Variants in HDGFL2 observed in about 807,000 individuals in gnomAD.
The protein encoded by HDGFL2 is hepatoma-derived growth factor-related protein 2.
A neutral mutation model predicts 77.1 loss-of-function variants in HDGFL2; 36 were observed. The ratio of observed to expected loss-of-function variants is 0.47; its 90% CI spans 0.36 to 0.62. The LOEUF is 0.62. HDGFL2 is among the 20% of genes least tolerant of loss of function. The pLI is 0.00. For synonymous variants in HDGFL2, 463 were observed against 413.1 expected (o/e 1.12, Z -1.46); for missense variants, 976 against 973.4 (o/e 1.00, Z -0.04).
intron 4 of HDGFL2, among the ~76,000 whole-genome samples, chr19:4,491,260 C>G (rs1975500989): frequency 1.1e-5 from 1 of 88,254 alleles, no homozygotes; most frequent in Admixed American, 1.1e-4. Context: ...CCCACCCCCC[C>G]ACCCCCCCAC....
At chr19:4,498,992 C>T in intron 13 of HDGFL2, 77 bp downstream of exon 13, 2 of 1,000,224 alleles carry the variant, frequency 2.0e-6, no homozygotes, top group Non-Finnish European at 3.0e-6. Flanking sequence ...GCCCAGGCCC[C>T]CAGCAGGTTC....
intron 3 of HDGFL2, among the ~76,000 whole-genome samples, chr19:4,479,896 ACT>A (rs368755518): frequency 2.1e-4 from 30 of 141,732 alleles, no homozygotes; most frequent in East Asian, 8.1e-4. Flanking sequence ...ACAGAATGAG[ACT>A]CTGTCTAAAA....
Position 4,488,742 on chromosome 19 carries a change from G to A in HDGFL2, c.355G>A (p.Asp119Asn). 1 of 1,553,732 alleles carries A rather than the reference G, an allele frequency of 6.4e-7. No individual in the cohort carries two copies. Among genetic ancestry groups the A allele is most frequent in the Non-Finnish European group, 8.7e-7 (1 of 1,148,454 alleles). The change falls in exon 4 of 16, where the codon GAC becomes AAC. Residue 119 changes from aspartate (D) to asparagine (N), a missense_variant. Physicochemically the swap from Asp to Asn is conservative, Grantham distance 23 (BLOSUM62 1). Coordinates refer to ENST00000616600, the MANE Select transcript of HDGFL2 (RefSeq NM_001001520.3). ...NPADGSDADE[D>N]DEDRGVMAVT... ...CGCCGACGGCAGTGACGCTGACGAG[G>A]ACGATGAGGACCGGGGGGTCATGGC...
At chr19:4,476,050 C>T (rs1249473465) in intron 3 of HDGFL2, among the ~76,000 whole-genome samples, 2 of 151,880 alleles carry the variant, frequency 1.3e-5, no homozygotes, top group Admixed American at 6.6e-5. Context: ...CCACCACACC[C>T]GGCTAATTTT....
At chr19:4,483,854 A>G (rs1239177578) in intron 3 of HDGFL2, among the ~76,000 whole-genome samples, 2 of 133,154 alleles carry the variant, frequency 1.5e-5, no homozygotes, top group Non-Finnish European at 3.0e-5. Context: ...CAGTGACGCT[A>G]TCTGGGCTCA....
rs745835601 is a variant in HDGFL2, at chr19:4,491,559, CT to C, written c.490-5del. On this transcript the variant is annotated splice_region_variant and splice_polypyrimidine_tract_variant and intron_variant, in intron 4 of 15. Transcript: ENST00000616600. ...ATCACTGAGCATTCAGGCCGTTCCC[CT>C]TCCAGATGTCGGTCTCGAAACGAGC... is the stretch of plus-strand genomic sequence containing the variant. 2.5e-6 allele frequency: 4 copies of C among 1,613,206 alleles called. No individual in the cohort carries two copies. In the East Asian group the frequency reaches 8.9e-5, roughly 36 times the overall value.
chr19:4,490,658 G>T (rs1456484147), intron 4 of HDGFL2, among the ~76,000 whole-genome samples: 2 of 152,170 alleles, frequency 1.3e-5, no homozygotes, highest in Non-Finnish European at 2.9e-5. Context: ...AGAGTCACGT[G>T]TACTTTGTAT....
chr19:4,488,909 TC>T, intron 4 of HDGFL2, 33 bp downstream of exon 4: 5 of 1,510,316 alleles, frequency 3.3e-6, no homozygotes, highest in Non-Finnish European at 4.5e-6. Context: ...TGGCCCTTCA[TC>T]CCCTTGCCCT....
chr19:4,474,898 G>A, intron 1 of HDGFL2: 1 of 166,516 alleles, frequency 6.0e-6, no homozygotes, highest in Non-Finnish European at 1.3e-5. Context: ...GCTGCCAGCT[G>A]CATCCTCTGG....
intron 10 of HDGFL2, chr19:4,497,046 T>C: frequency 5.0e-6 from 2 of 401,828 alleles, no homozygotes; most frequent in Non-Finnish European, 1.0e-5. Flanking sequence ...GGCTAATTTT[T>C]GTTGCTTTAG....
intron 1 of HDGFL2, chr19:4,475,028 C>T: frequency 3.9e-6 from 2 of 513,328 alleles, no homozygotes; most frequent in South Asian, 2.4e-5. Context: ...TGGCTTTGCT[C>T]AGGTGGAGCA....
chr19:4,500,574 C>T (rs572148769), intron 14 of HDGFL2, among the ~76,000 whole-genome samples: 43 of 141,274 alleles, frequency 3.0e-4, no homozygotes, highest in Non-Finnish European at 4.2e-4. Context: ...CATTCTCCTG[C>T]CTCAGCCTCC....
intron 1 of HDGFL2, among the ~76,000 whole-genome samples, chr19:4,473,098 G>C (rs897399050): frequency 2.0e-5 from 3 of 150,938 alleles, no homozygotes; most frequent in Admixed American, 1.3e-4. Context: ...GCGCGCCGAC[G>C]GTCTGGGGGT....
At chr19:4,481,753 G>A (rs1468072291) in intron 3 of HDGFL2, among the ~76,000 whole-genome samples, 3 of 151,938 alleles carry the variant, frequency 2.0e-5, no homozygotes, top group East Asian at 1.9e-4. Flanking sequence ...CACCGTGCCC[G>A]GCCCTCAGTT....
intron 3 of HDGFL2, among the ~76,000 whole-genome samples, chr19:4,483,231 G>A (rs989638361): frequency 6.6e-6 from 1 of 152,220 alleles, no homozygotes; most frequent in African/African-American, 2.4e-5. Flanking sequence ...CTCGGGCCGA[G>A]CGGTGACGCT....
At chr19:4,477,277 C>T (rs964849893) in intron 3 of HDGFL2, among the ~76,000 whole-genome samples, 5 of 152,292 alleles carry the variant, frequency 3.3e-5, no homozygotes, top group Middle Eastern at 3.4e-3. Flanking sequence ...CAGTCCTTGC[C>T]TTCTGGGAGC....
chr19:4,479,837 C>T (rs1020577538), intron 3 of HDGFL2, among the ~76,000 whole-genome samples: 1 of 147,788 alleles, frequency 6.8e-6, no homozygotes, highest in Non-Finnish European at 1.5e-5. Context: ...ACCCGGGAGG[C>T]GGAAGTTGCA....
At chr19:4,482,496 C>T (rs896663546) in intron 3 of HDGFL2, among the ~76,000 whole-genome samples, 1 of 152,180 alleles carries the variant, frequency 6.6e-6, no homozygotes, top group African/African-American at 2.4e-5. Context: ...GCGTGAGCCA[C>T]CGTGCCCAGC....
chr19:4,492,851 GTC>G (rs1304572979), intron 6 of HDGFL2, among the ~76,000 whole-genome samples: 31 of 125,648 alleles, frequency 2.5e-4, no homozygotes, highest in African/African-American at 5.9e-4. Flanking sequence ...TGTGTGTGTT[GTC>G]TGTGTGTGTG....
Sources: allele counts gnomAD v4.1 joint callset (sites outside exome capture counted in the v4.1 genomes callset), GRCh38; gene constraint gnomAD v4.1.1; transcripts MANE v1.5; gene names NCBI Gene and HGNC (gene_info 2026-07-23, HGNC 2026-07-21).